DLGAP1: variants seen among roughly 807,000 people sequenced by gnomAD.
The protein encoded by DLGAP1 is DLG associated protein 1.
DLGAP1 carries 11 observed loss-of-function variants against 90.8 expected under a neutral mutation model. The ratio of observed to expected loss-of-function variants is 0.12; its 90% CI spans 0.08 to 0.20. DLGAP1 has a LOEUF of 0.20. Ranked by LOEUF, DLGAP1 falls within the 10% of genes least tolerant of loss-of-function variation. The pLI, the probability that DLGAP1 is intolerant of heterozygous loss-of-function variation, is 1.00. For synonymous variants in DLGAP1, 558 were observed against 540.7 expected (o/e 1.03, Z -0.44); for missense variants, 1,050 against 1,333.8 (o/e 0.79, Z 3.31).
intron 9 of DLGAP1, among the ~76,000 whole-genome samples, chr18:3,540,027 A>T (rs961992071): frequency 6.6e-6 from 1 of 152,164 alleles, no homozygotes; most frequent in African/African-American, 2.4e-5. Flanking sequence ...TATATGTGGG[A>T]TCTGAAATGC....
At chr18:4,107,388 G>C (rs1465546400) in intron 2 of DLGAP1, among the ~76,000 whole-genome samples, 1 of 152,160 alleles carries the variant, frequency 6.6e-6, no homozygotes, top group Non-Finnish European at 1.5e-5. Flanking sequence ...CCGTGCGATC[G>C]ATGAAGAATA....
chr18:3,610,039 C>G (rs2057528593), intron 7 of DLGAP1, among the ~76,000 whole-genome samples: 1 of 151,076 alleles, frequency 6.6e-6, no homozygotes, highest in Non-Finnish European at 1.5e-5. Context: ...GCCTGGGCAA[C>G]AAGAGCAAAA....
chr18:3,830,706 T>C (rs1598916186), intron 4 of DLGAP1, among the ~76,000 whole-genome samples: 1 of 152,222 alleles, frequency 6.6e-6, no homozygotes, highest in Non-Finnish European at 1.5e-5. Context: ...AGATTTACTG[T>C]AGCAACTTGC....
chr18:4,365,891 G>A (rs2081752735), intron 1 of DLGAP1, among the ~76,000 whole-genome samples: 1 of 152,014 alleles, frequency 6.6e-6, no homozygotes, highest in Admixed American at 6.5e-5. Flanking sequence ...TCAAAAGCTG[G>A]CTCTGTAAAT....
chr18:3,705,847 T>A (rs921321862), intron 7 of DLGAP1, among the ~76,000 whole-genome samples: 21 of 151,844 alleles, frequency 1.4e-4, no homozygotes, highest in Non-Finnish European at 2.8e-4. Context: ...TTAGTAGAGA[T>A]GAGGTTTCAC....
chr18:3,694,979 G>A (rs550155433), intron 7 of DLGAP1, among the ~76,000 whole-genome samples: 3 of 143,972 alleles, frequency 2.1e-5, no homozygotes, highest in Non-Finnish European at 3.0e-5. Context: ...TTGTTCTGTC[G>A]CCCAGACTGG....
At chr18:4,179,792 ATCT>A (rs1245359070) in intron 1 of DLGAP1, among the ~76,000 whole-genome samples, 2 of 152,176 alleles carry the variant, frequency 1.3e-5, no homozygotes, top group Non-Finnish European at 2.9e-5. Flanking sequence ...GCAACTTGAA[ATCT>A]TCTCCCAGTA....
At chr18:4,087,608 T>A (rs1022166057) in intron 2 of DLGAP1, among the ~76,000 whole-genome samples, 14 of 152,200 alleles carry the variant, frequency 9.2e-5, no homozygotes, top group Non-Finnish European at 2.9e-5. Flanking sequence ...AGACCCCTGA[T>A]TTCCCACTCC....
intron 7 of DLGAP1, among the ~76,000 whole-genome samples, chr18:3,626,302 A>G (rs902753989): frequency 3.3e-5 from 5 of 151,688 alleles, no homozygotes; most frequent in East Asian, 1.9e-4. Flanking sequence ...AAAAAGAAAA[A>G]AAAAAAAAAG....
intron 6 of DLGAP1, among the ~76,000 whole-genome samples, chr18:3,741,058 T>TCAC (rs1430015496): frequency 1.1e-3 from 28 of 25,900 alleles, no homozygotes; most frequent in African/African-American, 5.9e-3. Flanking sequence ...ACCACCACCA[T>TCAC]CACCACCACC....
At chr18:4,043,666 C>T (rs1347825228) in intron 2 of DLGAP1, among the ~76,000 whole-genome samples, 1 of 152,162 alleles carries the variant, frequency 6.6e-6, no homozygotes, top group Non-Finnish European at 1.5e-5. Flanking sequence ...GGAAAGCAAG[C>T]ACCTGAAGAT....
intron 3 of DLGAP1, among the ~76,000 whole-genome samples, chr18:3,962,920 G>T (rs1368115344): frequency 1.3e-5 from 2 of 152,094 alleles, no homozygotes; most frequent in Non-Finnish European, 1.5e-5. Flanking sequence ...TCTTCAGTTT[G>T]TTGATTTGAT....
chr18:3,626,900 C>T (rs1025365490), intron 7 of DLGAP1, among the ~76,000 whole-genome samples: 2 of 150,944 alleles, frequency 1.3e-5, no homozygotes, highest in Admixed American at 6.6e-5. Context: ...CTCTGTCTCA[C>T]AAAAAAAAGA....
intron 2 of DLGAP1, among the ~76,000 whole-genome samples, chr18:4,137,149 T>C (rs1399095571): frequency 6.6e-6 from 1 of 151,416 alleles, no homozygotes; most frequent in African/African-American, 2.4e-5. Flanking sequence ...GAACATGCGG[T>C]GTTTGGTTTT....
chr18:4,382,438 A>C (rs929741544), intron 1 of DLGAP1, among the ~76,000 whole-genome samples: 1 of 151,154 alleles, frequency 6.6e-6, no homozygotes, highest in Non-Finnish European at 1.5e-5. Context: ...AAATCTACTA[A>C]TTGATCATGA....
chr18:4,139,374 G>A (rs2076459090), intron 2 of DLGAP1, among the ~76,000 whole-genome samples: 1 of 151,674 alleles, frequency 6.6e-6, no homozygotes, highest in Non-Finnish European at 1.5e-5. Flanking sequence ...ATTTCTTCAT[G>A]ACCCACTGGT....
At chr18:3,751,883 C>CT (rs759513286) in intron 5 of DLGAP1, among the ~76,000 whole-genome samples, 1,394 of 112,416 alleles carry the variant, frequency 0.012, 20 homozygotes, top group African/African-American at 0.036. Context: ...TCTTCTTCTT[C>CT]TTTTTTTTTT....
intron 7 of DLGAP1, among the ~76,000 whole-genome samples, chr18:3,617,973 G>A (rs755978769): frequency 3.3e-5 from 5 of 152,174 alleles, no homozygotes; most frequent in Non-Finnish European, 7.3e-5. Flanking sequence ...GGAGGCGGAG[G>A]TTGCTGTGAG....
At chr18:3,535,478 C>T (rs930859793) in intron 9 of DLGAP1, among the ~76,000 whole-genome samples, 5 of 151,918 alleles carry the variant, frequency 3.3e-5, no homozygotes, top group Non-Finnish European at 7.4e-5. Context: ...GAGGCTGAGG[C>T]GGGCGGATCA....
Sources: allele counts gnomAD v4.1 joint callset (sites outside exome capture counted in the v4.1 genomes callset), GRCh38; gene constraint gnomAD v4.1.1; transcripts MANE v1.5; gene names NCBI Gene and HGNC (gene_info 2026-07-23, HGNC 2026-07-21).